The following CUL9 variants were observed in gnomAD, a reference collection of about 807,000 sequenced individuals.
The protein encoded by CUL9 is cullin 9, also known as cullin-9.
A neutral mutation model predicts 272.6 loss-of-function variants in CUL9; 79 were observed. That is an observed-to-expected ratio of 0.29 (90% CI 0.24 to 0.35). CUL9 has a LOEUF of 0.35. CUL9 is among the 10% of genes least tolerant of loss of function. The probability of loss-of-function intolerance (pLI) is 1.00; values close to 1 mark genes in which losing one functional copy is unlikely to be tolerated. For missense variants in CUL9, 2,532 were observed against 3,255.6 expected (o/e 0.78, Z 5.41); for synonymous variants, 1,186 against 1,286.5 (o/e 0.92, Z 1.67).
chr6:43,215,006 A>G, intron 29 of CUL9, 73 bp from the exon 30 acceptor site: 1 of 1,492,498 alleles, frequency 6.7e-7, no homozygotes, highest in Non-Finnish European at 9.0e-7. Context: ...AATAAGTGGC[A>G]GAGCTGGGCA....
intron 9 of CUL9, among the ~76,000 whole-genome samples, chr6:43,194,009 A>G (rs1378454845): frequency 6.6e-6 from 1 of 152,172 alleles, no homozygotes; most frequent in Non-Finnish European, 1.5e-5. Flanking sequence ...CAGCATTGCC[A>G]TTGCCCAGAG....
chr6:43,188,242 G>A (rs1773103080), intron 7 of CUL9, 124 bp downstream of exon 7: 1 of 1,109,466 alleles, frequency 9.0e-7, no homozygotes, highest in East Asian at 2.5e-5. Context: ...AAAATGCCTT[G>A]GAACCATGCG....
intron 17 of CUL9, 28 bp downstream of exon 17, chr6:43,202,849 T>C (rs1283633918): frequency 3.1e-6 from 5 of 1,593,190 alleles, no homozygotes; most frequent in Admixed American, 3.3e-5. Flanking sequence ...CACCTTCACC[T>C]TGCTCCACAT....
chr6:43,197,728 C>T (rs558954443), intron 11 of CUL9, among the ~76,000 whole-genome samples: 13 of 151,098 alleles, frequency 8.6e-5, no homozygotes, highest in East Asian at 8.0e-4. Context: ...GTGATCTGAC[C>T]GCCTTGGCCT....
intron 23 of CUL9, 45 bp downstream of exon 23, chr6:43,205,160 AG>A: frequency 6.4e-7 from 1 of 1,574,324 alleles, no homozygotes; most frequent in Non-Finnish European, 8.6e-7. Context: ...TTGTGTTCCA[AG>A]TTCATCTCTT....
Position 43,200,539 on chromosome 6 carries a change from A to C in CUL9, c.3475+13A>C. The C allele has an allele frequency of 6.2e-7, 1 of 1,614,098 alleles. No homozygotes were observed. Among genetic ancestry groups the C allele is most frequent in the Non-Finnish European group, 8.5e-7 (1 of 1,180,016 alleles). ...CATCTCTGCCAGGGTTAGTGCCCTCATCTGCTTTCTCCTGGCTCCCATCCA... is the reference window on the plus strand; with the variant it reads ...CATCTCTGCCAGGGTTAGTGCCCTCCTCTGCTTTCTCCTGGCTCCCATCCA... On this transcript the variant is annotated intron_variant, in intron 15 of 40. Transcript: ENST00000252050. The surrounding 1 kb of genome is among the most constrained non-coding windows in gnomAD (Gnocchi z 4.0).
At chr6:43,196,546 C>CA in intron 10 of CUL9, 99 bp from the exon 11 acceptor site, 1 of 1,101,412 alleles carries the variant, frequency 9.1e-7, no homozygotes, top group Non-Finnish European at 1.4e-6. Flanking sequence ...CCCACTGGAG[C>CA]CCTTTGCTCC....
At chr6:43,214,902 A>G (rs1046716968) in intron 29 of CUL9, among the ~76,000 whole-genome samples, 177 bp from the exon 30 acceptor site, 5 of 152,078 alleles carry the variant, frequency 3.3e-5, no homozygotes, top group Non-Finnish European at 5.9e-5. Context: ...ACTTGAGTCC[A>G]GGAGTTTGAG....
intron 1 of CUL9, among the ~76,000 whole-genome samples, 196 bp downstream of exon 1, chr6:43,182,445 T>C (rs1263981158): frequency 7.0e-6 from 1 of 142,108 alleles, no homozygotes; most frequent in African/African-American, 2.7e-5. Flanking sequence ...TCTGCGGTGC[T>C]GGCCTCCTCC....
chr6:43,185,746 GC>G (rs1772850879), intron 3 of CUL9, 136 bp downstream of exon 3: 2 of 1,200,436 alleles, frequency 1.7e-6, no homozygotes, highest in Admixed American at 5.5e-5. Context: ...CTCCCTCCCA[GC>G]CCCTCTCCAT....
At chr6:43,193,978 T>A (rs560093007) in intron 9 of CUL9, among the ~76,000 whole-genome samples, 1 of 152,348 alleles carries the variant, frequency 6.6e-6, no homozygotes, top group East Asian at 1.9e-4. Context: ...ACTCTGTTAC[T>A]AGATTTGGGT....
At chr6:43,196,469 G>A in intron 10 of CUL9, 176 bp from the exon 11 acceptor site, 1 of 779,296 alleles carries the variant, frequency 1.3e-6, no homozygotes, top group South Asian at 1.7e-5. Context: ...GAGACACACT[G>A]ACTTCCCTTT....
At chr6:43,211,596 T>C (rs1349938958) in intron 26 of CUL9, among the ~76,000 whole-genome samples, 4 of 152,152 alleles carry the variant, frequency 2.6e-5, no homozygotes, top group African/African-American at 7.2e-5. Context: ...TTGAGGAGTT[T>C]GGTGGAAAAC....
rs567375546 is a variant in CUL9, at chr6:43,196,660, G to C, written c.2601G>C (p.Ala867=). The change falls in exon 11 of 41, where the codon GCG becomes GCC. Residue 867 remains alanine (A), a synonymous_variant. Coordinates refer to ENST00000252050, the MANE Select transcript of CUL9 (RefSeq NM_015089.4). ...MLNTEGCSSA[A]RNGLLLLNLL... ...CTCCTCCCAGGTGCTCTTCTGCAGC[G>C]AGAAATGGCTTACTCCTGCTCAACC... 6.2e-7 allele frequency: 1 copy of C among 1,614,132 alleles called. No homozygotes were observed. The highest frequency in any genetic ancestry group is 1.1e-5 in the South Asian group (1 of 91,066).
chr6:43,220,978 A>C lies in CUL9; in HGVS notation c.6588+67A>C, dbSNP rs2756178. On this transcript the variant is annotated intron_variant, in intron 33 of 40. Coordinates refer to ENST00000252050, the MANE Select transcript of CUL9 (RefSeq NM_015089.4). This position sits in a 1 kb window ranked among gnomAD's most constrained non-coding sequence, Gnocchi z 4.9. The stretch of plus-strand genomic sequence containing the variant: ...CACTCCTTCCCTGCTTAATATCCCC[A>C]CCCCGCCACACACACAGACTGTGAC... The C allele has an allele frequency of 1.9e-4, 277 of 1,484,830 alleles. No individual in the cohort carries two copies. The Middle Eastern group carries it at 2.2e-3, about 12-fold the overall frequency. 92.0% of individuals were successfully genotyped at this position (1,484,830 alleles called of 1,614,324 possible). A position where few individuals can be genotyped will look rare whatever the true frequency, so the allele number is the denominator to read the frequency against.
Position 43,205,325 on chromosome 6 carries a change from C to G in CUL9, c.4695C>G (p.Ala1565=), listed in dbSNP as rs779531587. The part of the protein sequence containing the change: ...QQIQGGLIGG[A]PGVEMLGQLQ... ...TCCAGGGTGGCCTGATTGGTGGAGC[C>G]CCTGGAGTGGAAATGCTGGGGCAGC... is the stretch of plus-strand genomic sequence containing the variant. Residue 1565 remains alanine (A), a synonymous_variant, in exon 24 of 41, where the codon GCC becomes GCG. Transcript: ENST00000252050. 6.2e-7 allele frequency: 1 copy of G among 1,614,114 alleles called. No homozygotes were observed. The highest frequency in any genetic ancestry group is 2.2e-5 in the East Asian group (1 of 44,874).
Position 43,223,272 on chromosome 6 carries a change from C to T in CUL9, c.7159C>T (p.Leu2387=), listed in dbSNP as rs775696866. The change falls in exon 39 of 41, where the codon CTG becomes TTG. Residue 2387 remains leucine, a synonymous_variant. Coordinates refer to ENST00000252050, the MANE Select transcript of CUL9 (RefSeq NM_015089.4). The surrounding 1 kb of genome is among the most constrained non-coding windows in gnomAD (Gnocchi z 4.1). ...GCCTGCCCCCTCTGCAGAGGAAACC[C>T]TGCTGCGGTGCAGAGACCTGGCCTC... ...NALQILLEET[L]LRCRDLASSL... is the part of the protein sequence containing the mutation. The T allele has an allele frequency of 6.3e-7, 1 of 1,598,486 alleles. No individual in the cohort carries two copies. The highest frequency in any genetic ancestry group is 8.5e-7 in the Non-Finnish European group (1 of 1,172,218).
chr6:43,224,390 A>G lies in CUL9; in HGVS notation c.7499A>G (p.Gln2500Arg), dbSNP rs1412097000. 13 of 1,614,166 alleles carry G rather than the reference A, an allele frequency of 8.1e-6. No homozygotes were observed. The highest frequency in any genetic ancestry group is 1.1e-5 in the Non-Finnish European group (13 of 1,180,036). Residue 2500 changes from glutamine (Q) to arginine (R), a missense_variant, in exon 41 of 41, where the codon CAA becomes CGA. Physicochemically the swap from Gln to Arg is conservative, Grantham distance 43. This residue lies in a region of CUL9 where 237 missense variants were observed against 305.9 expected (regional missense o/e 0.77). Coordinates refer to ENST00000252050, the MANE Select transcript of CUL9 (RefSeq NM_015089.4). This position sits in a 1 kb window ranked among gnomAD's most constrained non-coding sequence, Gnocchi z 4.2. ...TACGATGAGTCTGAGAACCTGGACC[A>G]AGAGACTTTCTTCTTTGGTGATGAG... ...FSYDESENLD[Q>R]ETFFFGDEEE... is the part of the protein sequence containing the mutation.
In CUL9 at chr6:43,191,481, A is replaced by ATTTTTTTTTTTTTTTT. The variant is rs34090146; in HGVS notation, c.2181-1511_2181-1496dup. Among the ~76,000 whole-genome samples the ATTTTTTTTTTTTTTTT allele has an allele frequency of 6.9e-4, 67 of 97,436 alleles. 2 individuals carry two copies. The highest frequency in any genetic ancestry group is 2.9e-3 in the African/African-American group (57 of 19,732). The allele number at this position is 97,436 out of a possible 152,430, so 63.9% of individuals were successfully genotyped here. The stretch of plus-strand genomic sequence containing the variant: ...AGGAATGAGCCACCACACCCAGCTA[A>ATTTTTTTTTTTTTTTT]TTTTTTTTTTTTTTTTTTTTTTTTA... On this transcript the variant is annotated intron_variant, in intron 8 of 40. Transcript: ENST00000252050.
Sources: gnomAD v4.1 joint callset for allele counts (sites outside exome capture counted in the v4.1 genomes callset) on GRCh38, gnomAD v4.1.1 for gene constraint, gnomAD v4.1.1 regional missense constraint, Gnocchi (gnomAD v3.1) non-coding constraint, MANE v1.5 for transcripts, NCBI Gene and HGNC (gene_info 2026-07-23, HGNC 2026-07-21) for gene names.